NXPH2: variants seen among roughly 807,000 people sequenced by gnomAD.
NXPH2 encodes the protein neurexophilin 2.
A neutral mutation model predicts 19.8 loss-of-function variants in NXPH2; 5 were observed. The observed-to-expected ratio is 0.25, with a 90% CI of 0.13 to 0.53. NXPH2 has a LOEUF of 0.53. Ranked by LOEUF, NXPH2 falls within the 20% of genes least tolerant of loss-of-function variation. NXPH2 has a pLI of 0.96. For missense variants in NXPH2, 289 were observed against 322.8 expected, an observed-to-expected ratio of 0.90 and a Z score of 0.80; for synonymous variants, 154 against 127.4, an observed-to-expected ratio of 1.21 and a Z score of -1.41.
chr2:138,678,505 G>A (rs1266236984), intron 1 of NXPH2, among the ~76,000 whole-genome samples: 2 of 151,500 alleles, frequency 1.3e-5, no homozygotes, highest in Admixed American at 6.6e-5. Flanking sequence ...TTTTAAGTCA[G>A]GAACTCCAAA....
rs117454259 is a variant in NXPH2 at position 138,752,778 on chromosome 2, A to T, written c.51+27413T>A. Among the ~76,000 whole-genome samples the T allele has an allele frequency of 1.1e-4, 17 of 152,104 alleles. No homozygotes were observed. In the East Asian group the frequency reaches 3.3e-3, roughly 30 times the overall value. On this transcript the variant is annotated intron_variant, in intron 1 of 1. Coordinates refer to ENST00000272641, the MANE Select transcript of NXPH2 (RefSeq NM_007226.3). ...TCTCAGACTTTCTTTGTTTCCGACG[A>T]CCTTAGCAGTTTTGAGGAATGCTGG...
At chr2:138,776,933 T>C (rs2104846977) in intron 1 of NXPH2, among the ~76,000 whole-genome samples, 1 of 152,192 alleles carries the variant, frequency 6.6e-6, no homozygotes, top group African/African-American at 2.4e-5. Flanking sequence ...TCTAAAAATT[T>C]GCCAACTTAC....
intron 1 of NXPH2, among the ~76,000 whole-genome samples, chr2:138,680,938 T>C (rs2104969242): frequency 6.6e-6 from 1 of 152,332 alleles, no homozygotes; most frequent in Non-Finnish European, 1.5e-5. Flanking sequence ...GTGACTATTT[T>C]CATGACCATA....
At chr2:138,697,375 T>A (rs1042524558) in intron 1 of NXPH2, among the ~76,000 whole-genome samples, 3 of 152,100 alleles carry the variant, frequency 2.0e-5, no homozygotes, top group African/African-American at 7.2e-5. Flanking sequence ...AAATAAATGA[T>A]GCCCAGAATT....
At chr2:138,763,907 T>A (rs1682052562) in intron 1 of NXPH2, among the ~76,000 whole-genome samples, 1 of 152,178 alleles carries the variant, frequency 6.6e-6, no homozygotes, top group African/African-American at 2.4e-5. Flanking sequence ...CTGAGTGATT[T>A]CTCTCAATAG....
intron 1 of NXPH2, among the ~76,000 whole-genome samples, chr2:138,773,482 A>G (rs1006691341): frequency 1.3e-5 from 2 of 152,156 alleles, no homozygotes; most frequent in Non-Finnish European, 2.9e-5. Flanking sequence ...AGATTTTTAT[A>G]CTAATCAACC....
At position 138,780,375 on chromosome 2, in the gene NXPH2, C is replaced by G. The variant is rs905999619; in HGVS notation, c.-134G>C. The G allele has an allele frequency of 4.4e-5, 10 of 228,822 alleles. No individual in the cohort carries two copies. Among genetic ancestry groups the G allele is most frequent in the African/African-American group, 2.2e-4 (8 of 36,192 alleles). The allele number at this position is 228,822 out of a possible 1,614,324, so 14.2% of individuals were successfully genotyped here. A position where few individuals can be genotyped will look rare whatever the true frequency, so the allele number is the denominator to read the frequency against. On this transcript the variant is annotated 5_prime_UTR_variant, in exon 1 of 2. Coordinates refer to ENST00000272641, the MANE Select transcript of NXPH2 (RefSeq NM_007226.3). ...CCCTCCCGGAATCCGAGCGCTGCGC[C>G]GTGCCGCGCAGCTCTGGCCGGGTGG...
intron 1 of NXPH2, among the ~76,000 whole-genome samples, chr2:138,678,684 TC>T (rs1203970100): frequency 6.6e-6 from 1 of 152,182 alleles, no homozygotes; most frequent in African/African-American, 2.4e-5. Context: ...TAATATTAAT[TC>T]CCTAAAAATT....
At chr2:138,711,786 C>G (rs1315694306) in intron 1 of NXPH2, among the ~76,000 whole-genome samples, 1 of 152,132 alleles carries the variant, frequency 6.6e-6, no homozygotes, top group Non-Finnish European at 1.5e-5. Context: ...CATGACATGG[C>G]CTTTGTGGTT....
intron 1 of NXPH2, among the ~76,000 whole-genome samples, chr2:138,748,276 C>T (rs990652405): frequency 6.6e-6 from 1 of 152,106 alleles, no homozygotes; most frequent in South Asian, 2.1e-4. Context: ...ACATCTATCT[C>T]GGTTGACTCA....
At chr2:138,706,727 C>G (rs140887493) in intron 1 of NXPH2, among the ~76,000 whole-genome samples, 1,549 of 151,888 alleles carry the variant, frequency 0.01, 15 homozygotes, top group Middle Eastern at 0.034. Context: ...GCCTGGGCAA[C>G]ATAGAAAGAC....
chr2:138,711,145 C>CTTTTTTTTTT (rs397766605), intron 1 of NXPH2, among the ~76,000 whole-genome samples: 1,015 of 91,054 alleles, frequency 0.011, 91 homozygotes, highest in East Asian at 0.093. Flanking sequence ...ATTTCTATCA[C>CTTTTTTTTTT]TTTTTTTTTT....
chr2:138,678,985 A>G (rs984620398), intron 1 of NXPH2, among the ~76,000 whole-genome samples: 8 of 152,086 alleles, frequency 5.3e-5, no homozygotes, highest in African/African-American at 1.7e-4. Context: ...CACAAACGCT[A>G]CTTGGTTTCC....
intron 1 of NXPH2, among the ~76,000 whole-genome samples, chr2:138,759,803 C>T (rs952637772): frequency 2.0e-5 from 3 of 148,840 alleles, no homozygotes; most frequent in Non-Finnish European, 4.4e-5. Flanking sequence ...AATCTCGGCT[C>T]ACTGCAACCT....
chr2:138,710,598 T>C (rs1681090789), intron 1 of NXPH2, among the ~76,000 whole-genome samples: 1 of 152,188 alleles, frequency 6.6e-6, no homozygotes, highest in South Asian at 2.1e-4. Flanking sequence ...GAAGGTTATC[T>C]TGAAGTTACC....
intron 1 of NXPH2, among the ~76,000 whole-genome samples, chr2:138,688,437 C>T (rs770476923): frequency 5.3e-5 from 8 of 152,180 alleles, no homozygotes; most frequent in Non-Finnish European, 1.0e-4. Flanking sequence ...CTGCCTCAAC[C>T]TCCGAATGTG....
intron 1 of NXPH2, among the ~76,000 whole-genome samples, chr2:138,752,465 A>G (rs1410640975): frequency 6.6e-6 from 1 of 152,180 alleles, no homozygotes; most frequent in East Asian, 1.9e-4. Flanking sequence ...CACATTTTAA[A>G]CATACTTTTA....
At chr2:138,712,620 CT>C (rs1213035756) in intron 1 of NXPH2, among the ~76,000 whole-genome samples, 1 of 152,174 alleles carries the variant, frequency 6.6e-6, no homozygotes, top group Non-Finnish European at 1.5e-5. Context: ...CTAAATATGT[CT>C]AAGTATACCT....
At chr2:138,699,946 A>G (rs1376368745) in intron 1 of NXPH2, among the ~76,000 whole-genome samples, 3 of 152,222 alleles carry the variant, frequency 2.0e-5, no homozygotes, top group Non-Finnish European at 2.9e-5. Context: ...GTTCAATGTA[A>G]TAAGATAACA....
Sources: allele counts gnomAD v4.1 joint callset (sites outside exome capture counted in the v4.1 genomes callset), GRCh38; gene constraint gnomAD v4.1.1; transcripts MANE v1.5; gene names NCBI Gene and HGNC (gene_info 2026-07-23, HGNC 2026-07-21).